The following GARNL3 variants were observed in gnomAD, a reference collection of about 807,000 sequenced individuals.
GARNL3 encodes the protein GTPase activating Rap/RanGAP domain like 3, also known as GTPase-activating Rap/Ran-GAP domain-like protein 3.
In GARNL3, 63 loss-of-function variants were observed where a neutral mutation model predicts 125.0. The observed-to-expected ratio is 0.50, with a 90% CI of 0.41 to 0.62. GARNL3 has a LOEUF of 0.62. GARNL3 is among the 20% of genes least tolerant of loss of function. GARNL3 has a pLI of 0.00. For missense variants in GARNL3, 994 were observed against 1,244.0 expected (o/e 0.80, Z 3.02); for synonymous variants, 439 against 457.5 (o/e 0.96, Z 0.52).
chr9:127,304,765 G>A (rs1179587643), intron 2 of GARNL3, among the ~76,000 whole-genome samples: 1 of 152,034 alleles, frequency 6.6e-6, no homozygotes, highest in African/African-American at 2.4e-5. Flanking sequence ...TCGAACTCCT[G>A]ACCTCAGGTG....
intron 4 of GARNL3, 152 bp downstream of exon 4, chr9:127,313,711 A>G (rs1447991572): frequency 3.0e-6 from 2 of 662,588 alleles, no homozygotes; most frequent in Non-Finnish European, 5.5e-6. Flanking sequence ...CCTTTGCCCA[A>G]AGCACCTTAT....
intron 2 of GARNL3, among the ~76,000 whole-genome samples, chr9:127,296,897 GGCAGCCACCCCC>G (rs2064613532): frequency 2.0e-5 from 3 of 151,844 alleles, no homozygotes; most frequent in Admixed American, 1.3e-4. Context: ...TAGTCTTTCT[GGCAGCCACCCCC>G]GATCCTGCAG....
At chr9:127,243,267 G>T (rs541266054) in intron 2 of GARNL3, 10 of 1,365,778 alleles carry the variant, frequency 7.3e-6, no homozygotes, top group East Asian at 4.5e-5. Context: ...AGTAAAAGAA[G>T]CATCATCTCA....
chr9:127,338,603 C>A (rs1829681249), intron 12 of GARNL3, among the ~76,000 whole-genome samples: 1 of 152,204 alleles, frequency 6.6e-6, no homozygotes, highest in Non-Finnish European at 1.5e-5. Flanking sequence ...CTTCTTGAAG[C>A]CTCAGGCCTT....
intron 1 of GARNL3, among the ~76,000 whole-genome samples, chr9:127,235,626 A>G (rs1266252671): frequency 6.9e-6 from 1 of 144,690 alleles, no homozygotes; most frequent in Non-Finnish European, 1.5e-5. Flanking sequence ...GGGAAATAAG[A>G]TTCATATAGT....
chr9:127,357,856 A>G (rs1295036550), intron 21 of GARNL3, among the ~76,000 whole-genome samples: 3 of 152,008 alleles, frequency 2.0e-5, no homozygotes, highest in Non-Finnish European at 4.4e-5. Context: ...TTGTTAGATG[A>G]TTTGTCCTGG....
chr9:127,350,550 G>A (rs1322149229), intron 17 of GARNL3, among the ~76,000 whole-genome samples: 2 of 151,928 alleles, frequency 1.3e-5, no homozygotes, highest in Non-Finnish European at 2.9e-5. Context: ...TGAGGTGAGC[G>A]GATCACAAGA....
At chr9:127,342,443 G>T in intron 14 of GARNL3, 109 bp downstream of exon 14, 2 of 726,098 alleles carry the variant, frequency 2.8e-6, no homozygotes, top group South Asian at 3.3e-5. Flanking sequence ...GAGGCGCCTT[G>T]ATCCTTGCTG....
chr9:127,304,876 C>T (rs996210989), intron 2 of GARNL3, among the ~76,000 whole-genome samples: 4 of 152,038 alleles, frequency 2.6e-5, no homozygotes, highest in Admixed American at 2.6e-4. Flanking sequence ...AGAAACAATC[C>T]AAATGTCCAT....
intron 6 of GARNL3, 45 bp downstream of exon 6, chr9:127,320,823 A>G: frequency 7.7e-7 from 1 of 1,296,618 alleles, no homozygotes. Context: ...AATTGATTAC[A>G]GTGTTAGGAT....
At chr9:127,335,474 GT>G (rs1472822858) in intron 10 of GARNL3, 141 bp downstream of exon 10, 4 of 670,314 alleles carry the variant, frequency 6.0e-6, no homozygotes, top group Non-Finnish European at 1.1e-5. Context: ...TTGGCGGTCT[GT>G]ATTGGAACTT....
intron 5 of GARNL3, among the ~76,000 whole-genome samples, chr9:127,320,292 T>C (rs1258679244): frequency 6.6e-6 from 1 of 152,250 alleles, no homozygotes; most frequent in Admixed American, 6.5e-5. Context: ...TTCAATCTCC[T>C]TGTTTTACCT....
At chr9:127,231,228 G>GTTTTTTTTTTT (rs34963289) in intron 1 of GARNL3, among the ~76,000 whole-genome samples, 1,285 of 99,654 alleles carry the variant, frequency 0.013, no homozygotes, top group Non-Finnish European at 0.017. Context: ...CTAATTTTTT[G>GTTTTTTTTTTT]TTTTTTTTTT....
At chr9:127,231,048 A>T (rs1167333081) in intron 1 of GARNL3, among the ~76,000 whole-genome samples, 941 of 43,424 alleles carry the variant, frequency 0.022, 6 homozygotes, top group Middle Eastern at 0.043. Flanking sequence ...ATATATATAT[A>T]TATTTTTTTT....
At chr9:127,326,796 T>G (rs1028581555) in intron 7 of GARNL3, among the ~76,000 whole-genome samples, 16 of 152,132 alleles carry the variant, frequency 1.1e-4, no homozygotes, top group Non-Finnish European at 1.5e-4. Flanking sequence ...AGTGCCCTTA[T>G]AAACAAGGGA....
upstream of GARNL3, chr9:127,263,903 C>T: frequency 6.9e-7 from 1 of 1,450,074 alleles, no homozygotes; most frequent in Admixed American, 2.5e-5. Context: ...AGAGTCAGTT[C>T]TCTGGTTGCT....
In GARNL3 at chr9:127,383,909, C is replaced by T. The variant is rs148279363; in HGVS notation, c.2269+364C>T. On this transcript the variant is annotated intron_variant, in intron 23 of 27. Transcript: ENST00000373387. ...CCAGCCTCAAAATGCTGACTGACCT[C>T]GGGGAGAAGCACAGTGCTTTCAGGG... 2.3e-4 allele frequency among the ~76,000 whole-genome samples: 35 copies of T among 152,266 alleles called. 1 individual carries two copies. In the East Asian group the frequency reaches 2.5e-3, roughly 11 times the overall value.
chr9:127,341,164 C>T (rs947714331), intron 13 of GARNL3, among the ~76,000 whole-genome samples: 1 of 152,228 alleles, frequency 6.6e-6, no homozygotes, highest in Non-Finnish European at 1.5e-5. Context: ...TGATGTCTCC[C>T]TCGACACATT....
chr9:127,376,289 G>C (rs554956400), intron 22 of GARNL3, among the ~76,000 whole-genome samples: 1 of 150,550 alleles, frequency 6.6e-6, no homozygotes, highest in Non-Finnish European at 1.5e-5. Flanking sequence ...AGACAGTCTC[G>C]CTTACTGCAG....
Sources: gnomAD v4.1 joint callset for allele counts (sites outside exome capture counted in the v4.1 genomes callset) on GRCh38, gnomAD v4.1.1 for gene constraint, MANE v1.5 for transcripts, NCBI Gene and HGNC (gene_info 2026-07-23, HGNC 2026-07-21) for gene names.